The following RAB3IL1 variants were observed in gnomAD, a reference collection of about 807,000 sequenced individuals.
RAB3IL1 encodes RAB3A interacting protein like 1.
RAB3IL1 carries 37 observed loss-of-function variants against 49.2 expected under a neutral mutation model. The ratio of observed to expected loss-of-function variants is 0.75; its 90% CI spans 0.58 to 0.99. The LOEUF is 0.99. RAB3IL1 is among the 50% of genes least tolerant of loss of function. The pLI, the probability that RAB3IL1 is intolerant of heterozygous loss-of-function variation, is 0.00. For missense variants in RAB3IL1, 484 were observed against 513.0 expected (o/e 0.94, Z 0.55); for synonymous variants, 193 against 213.9 (o/e 0.90, Z 0.85).
At chr11:61,934,450 GTATATATATATATATATATATATA>G in the RAB3IL1 span, among the ~76,000 whole-genome samples, 17 of 31,626 alleles carry the variant, frequency 5.4e-4, 1 homozygote, top group South Asian at 5.0e-3. Context: ...GTGTGTGTAT[GTATATATATATATATATATATATA>G]TATATATATA....
At chr11:61,938,365 G>C in the RAB3IL1 span, among the ~76,000 whole-genome samples, 1 of 152,166 alleles carries the variant, frequency 6.6e-6, no homozygotes, top group Admixed American at 6.5e-5. Context: ...ACTCCAGCTT[G>C]AGTGACAAGG....
At chr11:61,913,078 A>G (rs1939528827) in intron 1 of RAB3IL1, among the ~76,000 whole-genome samples, 1 of 152,032 alleles carries the variant, frequency 6.6e-6, no homozygotes, top group South Asian at 2.1e-4. Flanking sequence ...CACGTCCCGT[A>G]GGCAGCTGAG....
At chr11:61,908,024 A>C (rs368395739) in intron 2 of RAB3IL1, 30 bp downstream of exon 2, 83 of 1,579,106 alleles carry the variant, frequency 5.3e-5, no homozygotes, top group Non-Finnish European at 6.9e-5. Flanking sequence ...CTCCCCACCG[A>C]AGACCCCCCA....
the RAB3IL1 span, among the ~76,000 whole-genome samples, chr11:61,944,414 T>C: frequency 6.6e-6 from 1 of 151,834 alleles, no homozygotes; most frequent in African/African-American, 2.4e-5. Flanking sequence ...AGGGATTGTA[T>C]GTGTGAGCCA....
chr11:61,934,827 C>A, the RAB3IL1 span, among the ~76,000 whole-genome samples: 1 of 152,022 alleles, frequency 6.6e-6, no homozygotes, highest in South Asian at 2.1e-4. Flanking sequence ...TTAAGAAAAT[C>A]TCTGTCAAGT....
chr11:61,908,076 T>C lies in RAB3IL1; in HGVS notation c.242A>G (p.Glu81Gly). The change falls in exon 2 of 10, where the codon GAG becomes GGG. Residue 81 changes from glutamate (E) to glycine (G), a missense_variant. Transcript: ENST00000394836. ...CACCTTCTGCGCTCTGTGCAGCTCC[T>C]CCTTCAGGAACTCGGAGCCCTTCTC... Reference protein sequence around the residue: ...IREKGSEFLKEELHRAQKELK... With the variant: ...IREKGSEFLKGELHRAQKELK... The C allele has an allele frequency of 6.2e-7, 1 of 1,611,320 alleles. No individual in the cohort carries two copies. Among genetic ancestry groups the C allele is most frequent in the Non-Finnish European group, 8.5e-7 (1 of 1,179,274 alleles).
chr11:61,912,681 T>C (rs1185727405), intron 1 of RAB3IL1, among the ~76,000 whole-genome samples: 1 of 151,994 alleles, frequency 6.6e-6, no homozygotes, highest in African/African-American at 2.4e-5. Context: ...AGTACAGGCA[T>C]AGCGTATCAC....
upstream of RAB3IL1, among the ~76,000 whole-genome samples, chr11:61,924,577 C>A (rs1939965866): frequency 6.6e-6 from 1 of 152,146 alleles, no homozygotes; most frequent in African/African-American, 2.4e-5. Flanking sequence ...GCTGCGAAGA[C>A]CCATAAGTTC....
the RAB3IL1 span, among the ~76,000 whole-genome samples, chr11:61,942,585 G>A: frequency 6.6e-6 from 1 of 152,250 alleles, no homozygotes; most frequent in East Asian, 1.9e-4. Flanking sequence ...ATTATGACAT[G>A]ATCTTATATG....
At chr11:61,917,580 G>C, upstream of RAB3IL1, 1 of 1,075,046 alleles carries the variant, frequency 9.3e-7, no homozygotes, top group Non-Finnish European at 1.1e-6. Flanking sequence ...GCGGAGGGGG[G>C]AGCGGCCCGA....
Position 61,907,376 on chromosome 11 carries a change from G to A in RAB3IL1, c.438+17C>T. On this transcript the variant is annotated intron_variant, in intron 4 of 9. Transcript: ENST00000394836. Reference sequence around the variant, plus strand: ...GGGGTGCCTGGGCTGGCCTGGGCAGGCGGGGATGGGCCTCACCTTGCCCCG... The same window carrying A: ...GGGGTGCCTGGGCTGGCCTGGGCAGACGGGGATGGGCCTCACCTTGCCCCG... 1 of 1,611,966 alleles carries A rather than the reference G, an allele frequency of 6.2e-7. No individual in the cohort carries two copies. Among genetic ancestry groups the A allele is most frequent in the South Asian group, 1.1e-5 (1 of 90,854 alleles).
chr11:61,938,316 G>A, the RAB3IL1 span, among the ~76,000 whole-genome samples: 1 of 152,124 alleles, frequency 6.6e-6, no homozygotes, highest in Non-Finnish European at 1.5e-5. Context: ...TGGGAGGATG[G>A]ATCCCTTCGG....
the RAB3IL1 span, among the ~76,000 whole-genome samples, chr11:61,945,437 C>A: frequency 3.9e-5 from 6 of 152,314 alleles, no homozygotes; most frequent in Non-Finnish European, 7.3e-5. Flanking sequence ...CCTGGGGCAG[C>A]GGGGAGTTGC....
the RAB3IL1 span, among the ~76,000 whole-genome samples, chr11:61,940,253 C>T: frequency 1.9e-4 from 28 of 150,896 alleles, no homozygotes; most frequent in African/African-American, 6.8e-4. Flanking sequence ...ACCAGCCTGA[C>T]CAACATGGAG....
At chr11:61,941,001 T>C in the RAB3IL1 span, among the ~76,000 whole-genome samples, 1 of 151,916 alleles carries the variant, frequency 6.6e-6, no homozygotes, top group Non-Finnish European at 1.5e-5. Flanking sequence ...GGCAGGAGGC[T>C]CCCTTGAGCC....
chr11:61,912,406 C>G (rs1298541699), intron 1 of RAB3IL1, among the ~76,000 whole-genome samples: 1 of 152,238 alleles, frequency 6.6e-6, no homozygotes, highest in East Asian at 1.9e-4. Context: ...CTCAGGCCAG[C>G]CTGCAAGCCC....
At chr11:61,920,613 C>T (rs1037164309), upstream of RAB3IL1, among the ~76,000 whole-genome samples, 9 of 152,226 alleles carry the variant, frequency 5.9e-5, no homozygotes, top group Non-Finnish European at 1.2e-4. Context: ...TGACCACAAA[C>T]CTGAATATCC....
Position 61,906,732 on chromosome 11 carries a change from T to G in RAB3IL1, c.439-48A>C. The G allele has an allele frequency of 6.5e-7, 1 of 1,529,530 alleles. No individual in the cohort carries two copies. The highest frequency in any genetic ancestry group is 2.4e-5 in the East Asian group (1 of 42,488). 94.7% of individuals were successfully genotyped at this position (1,529,530 alleles called of 1,614,324 possible). A position where few individuals can be genotyped will look rare whatever the true frequency, so the allele number is the denominator to read the frequency against. ...CAACCCTCACCCAGACTGGATGCCATCCTGGCTGCCACCGCCTATCAGCCT... is the reference window on the plus strand; with the variant it reads ...CAACCCTCACCCAGACTGGATGCCAGCCTGGCTGCCACCGCCTATCAGCCT... On this transcript the variant is annotated intron_variant, in intron 4 of 9. Coordinates refer to ENST00000394836, the MANE Select transcript of RAB3IL1 (RefSeq NM_013401.4). This position sits in a 1 kb window ranked among gnomAD's most constrained non-coding sequence, Gnocchi z 4.6.
At chr11:61,899,426 G>A (rs1471890920) in intron 8 of RAB3IL1, 46 bp from the exon 9 acceptor site, 1 of 1,574,286 alleles carries the variant, frequency 6.4e-7, no homozygotes, top group Non-Finnish European at 8.6e-7. Context: ...CCCCACGCTG[G>A]GGGTCCCCTG....
Sources: gnomAD v4.1 joint callset for allele counts (sites outside exome capture counted in the v4.1 genomes callset) on GRCh38, gnomAD v4.1.1 for gene constraint, Gnocchi (gnomAD v3.1) non-coding constraint, MANE v1.5 for transcripts, NCBI Gene and HGNC (gene_info 2026-07-23, HGNC 2026-07-21) for gene names.